ITSN2: variants seen among roughly 807,000 people sequenced by gnomAD.
The protein encoded by ITSN2 is intersectin-2.
ITSN2 carries 156 observed loss-of-function variants against 243.7 expected under a neutral mutation model. The observed-to-expected ratio is 0.64, with a 90% confidence interval of 0.56 to 0.73. The LOEUF (loss-of-function observed/expected upper bound fraction) is 0.73. ITSN2 is among the 30% of genes least tolerant of loss of function. The pLI is 0.00. For missense variants in ITSN2, 1,801 were observed against 1,996.1 expected, an observed-to-expected ratio of 0.90 and a Z score of 1.86; for synonymous variants, 703 against 699.9, an observed-to-expected ratio of 1.00 and a Z score of -0.07.
chr2:24,337,315 A>AATATATATATATACAC lies in ITSN2; in HGVS notation c.-33-9201_-33-9200insGTGTATATATATATAT, dbSNP rs1278959952. Among the ~76,000 whole-genome samples, 4 of 32,026 alleles carry AATATATATATATACAC rather than the reference A, an allele frequency of 1.2e-4. 1 individual carries two copies. The highest frequency in any genetic ancestry group is 2.3e-4 in the Non-Finnish European group (4 of 17,640). 21.0% of individuals were successfully genotyped at this position (32,026 alleles called of 152,430 possible). ...TGTGTGTGTGTGTGTGTATACACAA[A>AATATATATATATACAC]ATATATATATATATATATATATATA... On this transcript the variant is annotated intron_variant, in intron 1 of 39. Coordinates refer to ENST00000355123, the MANE Select transcript of ITSN2 (RefSeq NM_006277.3).
intron 14 of ITSN2, 47 bp downstream of exon 14, chr2:24,295,617 C>T (rs1056374157): frequency 7.1e-7 from 1 of 1,417,528 alleles, no homozygotes; most frequent in Non-Finnish European, 9.3e-7. Flanking sequence ...CCCAGAAGAA[C>T]TATTAATTGT....
At chr2:24,216,473 G>A (rs974591240) in intron 31 of ITSN2, among the ~76,000 whole-genome samples, 2 of 152,222 alleles carry the variant, frequency 1.3e-5, no homozygotes, top group African/African-American at 4.8e-5. Flanking sequence ...GCAGTTGGGT[G>A]GGCTGGGCAC....
chr2:24,303,899 G>A, intron 8 of ITSN2, 37 bp from the exon 9 acceptor site: 1 of 1,376,896 alleles, frequency 7.3e-7, no homozygotes, highest in Admixed American at 1.7e-5. Context: ...GAATTCTTTA[G>A]CATCTTTAAA....
At chr2:24,213,050 T>C (rs1230230182) in intron 32 of ITSN2, among the ~76,000 whole-genome samples, 2 of 152,152 alleles carry the variant, frequency 1.3e-5, no homozygotes, top group African/African-American at 2.4e-5. Flanking sequence ...AGGTTCACAG[T>C]AGGAATATCT....
At chr2:24,306,933 G>T (rs1335433178) in intron 8 of ITSN2, among the ~76,000 whole-genome samples, 1 of 152,028 alleles carries the variant, frequency 6.6e-6, no homozygotes, top group Non-Finnish European at 1.5e-5. Context: ...AGCCTCCAGA[G>T]TAGCTGGGAC....
At chr2:24,359,801 T>C (rs540329991) in intron 1 of ITSN2, among the ~76,000 whole-genome samples, 17 of 152,180 alleles carry the variant, frequency 1.1e-4, no homozygotes, top group African/African-American at 3.9e-4. Flanking sequence ...TGTCCTCTCG[T>C]GACTCGGGCT....
At position 24,205,351 on chromosome 2, in the gene ITSN2, T is replaced by A. The variant is rs1026748234; in HGVS notation, c.4679-54A>T. 7 of 1,488,516 alleles carry A rather than the reference T, an allele frequency of 4.7e-6. No individual in the cohort carries two copies. In the East Asian group the frequency reaches 1.6e-4, roughly 34 times the overall value. 92.2% of individuals were successfully genotyped at this position (1,488,516 alleles called of 1,614,324 possible). ...ATCTCTTCTCCAAGGATGCAGACCC[T>A]GTCTTTCAAACCAACCATAACACTA... On this transcript the variant is annotated intron_variant, in intron 37 of 39. Coordinates refer to ENST00000355123, the MANE Select transcript of ITSN2 (RefSeq NM_006277.3).
intron 2 of ITSN2, among the ~76,000 whole-genome samples, chr2:24,316,429 C>A (rs562797661): frequency 6.6e-6 from 1 of 152,018 alleles, no homozygotes; most frequent in Admixed American, 6.6e-5. Context: ...TACAGGCATG[C>A]GCCACCACAC....
chr2:24,337,927 G>A (rs1455937462), intron 1 of ITSN2, among the ~76,000 whole-genome samples: 3 of 152,068 alleles, frequency 2.0e-5, no homozygotes, highest in Non-Finnish European at 2.9e-5. Context: ...AGTTCCCAAG[G>A]AGATCAAGGT....
rs1449257836 is a variant in ITSN2 at position 24,203,615 on chromosome 2, C to A, written c.*11G>T. ...TGTGGGCTGTCCCGCTGGTGCTGTC[C>A]TTTAGAACCCCTACAGGAGAGTTTT... On this transcript the variant is annotated 3_prime_UTR_variant, in exon 40 of 40. Transcript: ENST00000355123. The A allele has an allele frequency of 5.0e-6, 8 of 1,612,102 alleles. No homozygotes were observed. Among genetic ancestry groups the A allele is most frequent in the Non-Finnish European group, 6.8e-6 (8 of 1,179,062 alleles).
chr2:24,295,507 C>T (rs1680836922), intron 14 of ITSN2, among the ~76,000 whole-genome samples, 157 bp downstream of exon 14: 1 of 152,122 alleles, frequency 6.6e-6, no homozygotes, highest in South Asian at 2.1e-4. Context: ...CGGGGTTTTG[C>T]CCTGCTGACT....
chr2:24,275,662 A>C, intron 18 of ITSN2, 51 bp downstream of exon 18: 1 of 1,458,572 alleles, frequency 6.9e-7, no homozygotes, highest in Non-Finnish European at 9.3e-7. Context: ...TGAGCAACAA[A>C]ATTACAATTC....
chr2:24,326,009 A>G (rs1202770654), intron 2 of ITSN2, among the ~76,000 whole-genome samples: 4 of 152,148 alleles, frequency 2.6e-5, no homozygotes, highest in Admixed American at 1.3e-4. Flanking sequence ...ATGGGCATCA[A>G]AACAATTTAA....
intron 31 of ITSN2, 76 bp downstream of exon 31, chr2:24,217,831 T>C: frequency 2.2e-6 from 2 of 917,034 alleles, no homozygotes; most frequent in Admixed American, 2.1e-5. Context: ...AAGAAGCCCT[T>C]GCAGAGGGTT....
intron 7 of ITSN2, 120 bp downstream of exon 7, chr2:24,310,164 A>G: frequency 3.2e-6 from 2 of 628,526 alleles, no homozygotes; most frequent in Non-Finnish European, 5.6e-6. Flanking sequence ...TACCTTAAGT[A>G]TTTGTACTTG....
chr2:24,209,291 A>G, intron 35 of ITSN2, 70 bp from the exon 36 acceptor site: 2 of 1,589,812 alleles, frequency 1.3e-6, no homozygotes, highest in Non-Finnish European at 1.7e-6. Context: ...ATGTCCAGAG[A>G]GAGTTCTGTT....
chr2:24,310,528 T>C lies in ITSN2; in HGVS notation c.517A>G (p.Ser173Gly), dbSNP rs2151735991. The C allele has an allele frequency of 6.2e-7, 1 of 1,614,162 alleles. No homozygotes were observed. The highest frequency in any genetic ancestry group is 2.2e-5 in the East Asian group (1 of 44,886). Residue 173 changes from serine (S) to glycine (G), a missense_variant, in exon 6 of 40, where the codon AGT (serine) becomes GGT (glycine). Physicochemically the swap from Ser to Gly is moderately conservative, Grantham distance 56 (BLOSUM62 0). Transcript: ENST00000355123. ...GGAATGGGTAAAGGCTGAATGAGAC[T>C]GGCGGTTCCATTTGGTAATGATGAT... ...STSSLPNGTA[S>G]LIQPLPIPYS...
intron 2 of ITSN2, among the ~76,000 whole-genome samples, chr2:24,327,719 G>A (rs947362209): frequency 4.0e-5 from 6 of 151,820 alleles, no homozygotes; most frequent in African/African-American, 4.8e-5. Context: ...TGGCTTCATC[G>A]GTTTACAATC....
At chr2:24,292,767 A>C (rs959146279) in intron 15 of ITSN2, among the ~76,000 whole-genome samples, 9 of 152,224 alleles carry the variant, frequency 5.9e-5, no homozygotes, top group African/African-American at 2.2e-4. Context: ...TATACCACCC[A>C]CAGATAAACC....
Sources: allele counts gnomAD v4.1 joint callset (sites outside exome capture counted in the v4.1 genomes callset), GRCh38; gene constraint gnomAD v4.1.1; transcripts MANE v1.5; gene names NCBI Gene and HGNC (gene_info 2026-07-23, HGNC 2026-07-21).